CACNB2: variants seen among roughly 807,000 people sequenced by gnomAD.
The protein encoded by CACNB2 is calcium voltage-gated channel auxiliary subunit beta 2.
A neutral mutation model predicts 73.3 loss-of-function variants in CACNB2; 42 were observed. The observed-to-expected ratio is 0.57, with a 90% CI of 0.45 to 0.74. CACNB2 has a LOEUF of 0.74. CACNB2 is among the 30% of genes least tolerant of loss of function. CACNB2 has a pLI of 0.00. For synonymous variants in CACNB2, 348 were observed against 310.3 expected, an observed-to-expected ratio of 1.12 and a Z score of -1.28; for missense variants, 940 against 853.0, an observed-to-expected ratio of 1.10 and a Z score of -1.27.
intron 2 of CACNB2, among the ~76,000 whole-genome samples, chr10:18,163,616 A>G (rs911922560): frequency 2.0e-5 from 3 of 152,328 alleles, no homozygotes; most frequent in African/African-American, 7.2e-5. Flanking sequence ...TCTGTTTCGT[A>G]TTGAGCATAT....
chr10:18,308,838 G>A (rs539791310), intron 2 of CACNB2, among the ~76,000 whole-genome samples: 151 of 152,298 alleles, frequency 9.9e-4, no homozygotes, highest in African/African-American at 3.4e-3. Context: ...GGGTGAACAA[G>A]TTGTCCCTTT....
At chr10:18,469,547 T>A (rs2048072093) in intron 3 of CACNB2, among the ~76,000 whole-genome samples, 1 of 152,226 alleles carries the variant, frequency 6.6e-6, no homozygotes, top group South Asian at 2.1e-4. Flanking sequence ...AGCAAATTCC[T>A]AAACTGTATC....
intron 6 of CACNB2, 111 bp downstream of exon 6, chr10:18,506,658 A>G: frequency 1.3e-6 from 1 of 750,750 alleles, no homozygotes. Context: ...AACCCTACAG[A>G]TGTTAAAAGG....
Position 18,482,188 on chromosome 10 carries a change from T to A in CACNB2, c.334-16167T>A, listed in dbSNP as rs186493953. Among the ~76,000 whole-genome samples the A allele has an allele frequency of 2.0e-5, 3 of 152,228 alleles. No individual in the cohort carries two copies. In the East Asian group the frequency reaches 5.8e-4, roughly 29 times the overall value. ...TACAAGTGTGAGCCACCACACCTTA[T>A]CTCTTATTGGTTTTTACAGAGACTA... On this transcript the variant is annotated intron_variant, in intron 3 of 13. Transcript: ENST00000324631.
chr10:18,197,481 GT>G (rs1205326091), intron 2 of CACNB2, among the ~76,000 whole-genome samples: 1 of 152,184 alleles, frequency 6.6e-6, no homozygotes, highest in Non-Finnish European at 1.5e-5. Context: ...ACCCCAGTGT[GT>G]TTCTTTGTGA....
At chr10:18,414,168 C>T (rs10828662) in intron 3 of CACNB2, among the ~76,000 whole-genome samples, 82,663 of 152,094 alleles carry the variant, frequency 0.54, 22,556 homozygotes, top group Middle Eastern at 0.68. Flanking sequence ...TGCATCCCCA[C>T]CCATCCCAGT....
At chr10:18,283,929 A>G (rs988081467) in intron 2 of CACNB2, among the ~76,000 whole-genome samples, 1 of 152,170 alleles carries the variant, frequency 6.6e-6, no homozygotes, top group African/African-American at 2.4e-5. Flanking sequence ...GATTTTGACA[A>G]TGTCATGGAC....
intron 2 of CACNB2, among the ~76,000 whole-genome samples, chr10:18,228,068 G>A (rs574744326): frequency 6.6e-6 from 1 of 152,226 alleles, no homozygotes; most frequent in Middle Eastern, 3.4e-3. Flanking sequence ...GTGTCTTTTG[G>A]TGTACAAATG....
At chr10:18,283,660 G>T (rs1270645196) in intron 2 of CACNB2, among the ~76,000 whole-genome samples, 1 of 144,228 alleles carries the variant, frequency 6.9e-6, no homozygotes, top group Non-Finnish European at 1.5e-5. Context: ...CACACACTGG[G>T]GCCTGTCATG....
chr10:18,243,784 G>A (rs531681274), intron 2 of CACNB2, among the ~76,000 whole-genome samples: 1 of 152,186 alleles, frequency 6.6e-6, no homozygotes, highest in East Asian at 1.9e-4. Flanking sequence ...GCAGCCTGAG[G>A]CCCTCACCAG....
chr10:18,254,558 CA>C (rs1178111502), intron 2 of CACNB2, among the ~76,000 whole-genome samples: 2 of 151,370 alleles, frequency 1.3e-5, no homozygotes, highest in Non-Finnish European at 3.0e-5. Flanking sequence ...AAACAAAAAC[CA>C]AAAAAAATCC....
chr10:18,378,658 G>A (rs2042896059), intron 2 of CACNB2, among the ~76,000 whole-genome samples: 1 of 152,110 alleles, frequency 6.6e-6, no homozygotes, highest in Admixed American at 6.6e-5. Flanking sequence ...GGCCGAGGTG[G>A]GAGGATCGGT....
At chr10:18,196,345 T>C (rs1486271586) in intron 2 of CACNB2, among the ~76,000 whole-genome samples, 2 of 147,512 alleles carry the variant, frequency 1.4e-5, no homozygotes, top group Admixed American at 1.4e-4. Flanking sequence ...CAGGCTGGAG[T>C]GCAGTGGCCT....
Position 18,532,148 on chromosome 10 carries a change from G to C in CACNB2, c.1055-1928G>C, listed in dbSNP as rs181753136. 2.0e-5 allele frequency among the ~76,000 whole-genome samples: 3 copies of C among 152,114 alleles called. No homozygotes were observed. In the East Asian group the frequency reaches 5.8e-4, roughly 29 times the overall value. ...AAAAGTATTATCAGAATTTGTCATCGATTCTTAAGGTTGTATCTACTAATA... is the reference window on the plus strand; with the variant it reads ...AAAAGTATTATCAGAATTTGTCATCCATTCTTAAGGTTGTATCTACTAATA... On this transcript the variant is annotated intron_variant, in intron 10 of 13. Transcript: ENST00000324631.
At chr10:18,481,221 TATATATA>T in intron 3 of CACNB2, among the ~76,000 whole-genome samples, 4 of 14,278 alleles carry the variant, frequency 2.8e-4, no homozygotes, top group Non-Finnish European at 4.0e-4. Flanking sequence ...TATATATATA[TATATATA>T]TATTTTTTTT....
chr10:18,320,313 C>G (rs1316152761), intron 2 of CACNB2, among the ~76,000 whole-genome samples: 1 of 152,124 alleles, frequency 6.6e-6, no homozygotes, highest in African/African-American at 2.4e-5. Flanking sequence ...TTCGTAGTTG[C>G]ATTGTTATGT....
At chr10:18,184,697 T>C (rs941704618) in intron 2 of CACNB2, among the ~76,000 whole-genome samples, 4 of 151,284 alleles carry the variant, frequency 2.6e-5, no homozygotes, top group Non-Finnish European at 5.9e-5. Context: ...ATTTGCTTGT[T>C]TTTAATTTCA....
chr10:18,209,684 A>G (rs552090539), intron 2 of CACNB2, among the ~76,000 whole-genome samples: 2 of 152,208 alleles, frequency 1.3e-5, no homozygotes, highest in South Asian at 4.1e-4. Flanking sequence ...GAACATTTTC[A>G]TGTTTTAAGT....
At chr10:18,222,419 C>G (rs1011629865) in intron 2 of CACNB2, among the ~76,000 whole-genome samples, 1 of 92,790 alleles carries the variant, frequency 1.1e-5, no homozygotes. Flanking sequence ...CACACACACA[C>G]ACACACACAC....
Sources: gnomAD v4.1 joint callset for allele counts (sites outside exome capture counted in the v4.1 genomes callset) on GRCh38, gnomAD v4.1.1 for gene constraint, MANE v1.5 for transcripts, NCBI Gene and HGNC (gene_info 2026-07-23, HGNC 2026-07-21) for gene names.